LXN: variants seen among roughly 807,000 people sequenced by gnomAD.
LXN encodes latexin.
A neutral mutation model predicts 29.8 loss-of-function variants in LXN; 28 were observed. The observed-to-expected ratio is 0.94, with a 90% CI of 0.70 to 1.29. The LOEUF is 1.29. Ranked by LOEUF, LXN falls within the 50% of genes most tolerant of loss-of-function variation. LXN has a pLI of 0.00. For missense variants in LXN, 227 were observed against 261.7 expected (o/e 0.87, Z 0.92); for synonymous variants, 77 against 89.6 (o/e 0.86, Z 0.80).
In LXN at chr3:158,669,429, A is replaced by G. The variant is rs1403976624; in HGVS notation, c.370+4T>C. On this transcript the variant is annotated splice_donor_region_variant and intron_variant, in intron 3 of 5. Coordinates refer to ENST00000264265, the MANE Select transcript of LXN (RefSeq NM_020169.4). The stretch of plus-strand genomic sequence containing the variant: ...CAAATGGTTTTCATGCCATATTTAT[A>G]TACCTGGAATATTTTGTGCTTCTAG... The G allele has an allele frequency of 1.2e-6, 2 of 1,603,868 alleles. No homozygotes were observed. The highest frequency in any genetic ancestry group is 1.1e-5 in the South Asian group (1 of 89,538).
chr3:158,670,956 C>T lies in LXN; in HGVS notation c.192+1G>A. On this transcript the variant is annotated splice_donor_variant, in intron 2 of 5. Coordinates refer to ENST00000264265, the MANE Select transcript of LXN (RefSeq NM_020169.4). LOFTEE classifies it high-confidence loss of function. ...TCAAAGAAAAAAGAAATTTAACTTA[C>T]TTTTTGTATAATTTCTTCAACAGCA... is the stretch of plus-strand genomic sequence containing the variant. 1 of 1,524,764 alleles carries T rather than the reference C, an allele frequency of 6.6e-7. No individual in the cohort carries two copies. Among genetic ancestry groups the T allele is most frequent in the African/African-American group, 1.5e-5 (1 of 65,484 alleles). The allele number at this position is 1,524,764 out of a possible 1,614,324, so 94.5% of individuals were successfully genotyped here.
Position 158,672,444 on chromosome 3 carries a change from C to T in LXN, c.35G>A (p.Arg12Lys). ...EIPPTNYPASRAALVAQNYIN... is the reference protein window; with the variant it reads ...EIPPTNYPASKAALVAQNYIN... ...GTAGTTCTGTGCCACCAAGGCCGCCCTGGAGGCTGGGTAGTTGGTCGGCGG... is the reference window on the plus strand; with the variant it reads ...GTAGTTCTGTGCCACCAAGGCCGCCTTGGAGGCTGGGTAGTTGGTCGGCGG... Residue 12 changes from arginine to lysine, a missense_variant, in exon 1 of 6, where the codon AGG (arginine) becomes AAG (lysine). By Grantham distance (26) the Arg-to-Lys change is conservative. Coordinates refer to ENST00000264265, the MANE Select transcript of LXN (RefSeq NM_020169.4). The T allele has an allele frequency of 6.2e-7, 1 of 1,614,076 alleles. No individual in the cohort carries two copies. The highest frequency in any genetic ancestry group is 8.5e-7 in the Non-Finnish European group (1 of 1,179,950).
intron 4 of LXN, among the ~76,000 whole-genome samples, 169 bp downstream of exon 4, chr3:158,668,827 C>T (rs1252750425): frequency 6.6e-6 from 1 of 152,218 alleles, no homozygotes; most frequent in African/African-American, 2.4e-5. Context: ...ACTCTTCCTA[C>T]AATTCTTCAC....
chr3:158,669,379 A>T (rs996589129), intron 3 of LXN, 54 bp downstream of exon 3: 34 of 1,507,616 alleles, frequency 2.3e-5, no homozygotes, highest in Non-Finnish European at 3.1e-5. Flanking sequence ...CAGATAATTG[A>T]GATTGATTTT....
intron 3 of LXN, 105 bp from the exon 4 acceptor site, chr3:158,669,237 A>G (rs1560137525): frequency 7.6e-7 from 1 of 1,323,722 alleles, no homozygotes. Flanking sequence ...ATGTTGTGCA[A>G]AAAATAATTT....
chr3:158,666,858 G>T, intron 5 of LXN, 114 bp from the exon 6 acceptor site: 1 of 1,423,750 alleles, frequency 7.0e-7, no homozygotes, highest in East Asian at 2.4e-5. Context: ...TAGTACTTTT[G>T]TTAAATTGCT....
Position 158,666,462 on chromosome 3 carries a change from C to A in LXN, c.*184G>T. On this transcript the variant is annotated 3_prime_UTR_variant, in exon 6 of 6. Transcript: ENST00000264265. The stretch of plus-strand genomic sequence containing the variant: ...ATTTTGGATATACATACCACTATTA[C>A]TGTTTTAAAGACATTTTTATGTAGT... 1 of 1,290,390 alleles carries A rather than the reference C, an allele frequency of 7.7e-7. No homozygotes were observed. The highest frequency in any genetic ancestry group is 1.1e-6 in the Non-Finnish European group (1 of 888,224). The allele number at this position is 1,290,390 out of a possible 1,614,324, so 79.9% of individuals were successfully genotyped here. A position where few individuals can be genotyped will look rare whatever the true frequency, so the allele number is the denominator to read the frequency against.
chr3:158,668,325 G>A (rs1193523917), intron 4 of LXN, among the ~76,000 whole-genome samples: 1 of 151,748 alleles, frequency 6.6e-6, no homozygotes, highest in East Asian at 1.9e-4. Flanking sequence ...TATTACTTAG[G>A]GAATCATGAC....
intron 2 of LXN, 119 bp from the exon 3 acceptor site, chr3:158,669,729 A>G: frequency 2.1e-6 from 2 of 956,504 alleles, no homozygotes; most frequent in East Asian, 5.3e-5. Context: ...CTAGACTTCA[A>G]AGTGCTTGTT....
intron 2 of LXN, among the ~76,000 whole-genome samples, chr3:158,670,747 A>G (rs1377888738): frequency 1.3e-5 from 2 of 152,184 alleles, no homozygotes; most frequent in African/African-American, 4.8e-5. Context: ...TTGTAATCCT[A>G]GCACTTTGGG....
At chr3:158,666,873 TTATAA>T (rs1723745133) in intron 5 of LXN, 129 bp from the exon 6 acceptor site, 2 of 1,445,498 alleles carry the variant, frequency 1.4e-6, no homozygotes, top group Non-Finnish European at 9.4e-7. Flanking sequence ...ATTGCTGCAA[TTATAA>T]TATACTTAAA....
intron 2 of LXN, among the ~76,000 whole-genome samples, chr3:158,669,935 C>A (rs1463013009): frequency 6.6e-6 from 1 of 152,214 alleles, no homozygotes; most frequent in Non-Finnish European, 1.5e-5. Context: ...TATATACCAA[C>A]TCAAGACTGG....
chr3:158,669,228 T>C, intron 3 of LXN, 96 bp from the exon 4 acceptor site: 1 of 1,351,068 alleles, frequency 7.4e-7, no homozygotes, highest in East Asian at 2.5e-5. Flanking sequence ...TTCCTTCGAA[T>C]GTTGTGCAAA....
chr3:158,668,933 G>A, intron 4 of LXN, 63 bp downstream of exon 4: 3 of 1,402,044 alleles, frequency 2.1e-6, no homozygotes, highest in Non-Finnish European at 2.9e-6. Context: ...ATCCAATTAT[G>A]AATTACAATA....
At chr3:158,669,663 A>G in intron 2 of LXN, 53 bp from the exon 3 acceptor site, 2 of 1,498,304 alleles carry the variant, frequency 1.3e-6, no homozygotes, top group South Asian at 2.4e-5. Flanking sequence ...TTCATTATTA[A>G]TTATCATCTT....
Position 158,669,485 on chromosome 3 carries a change from A to C in LXN, c.318T>G (p.Phe106Leu). The C allele has an allele frequency of 6.2e-7, 1 of 1,613,916 alleles. No individual in the cohort carries two copies. The highest frequency in any genetic ancestry group is 2.2e-5 in the East Asian group (1 of 44,850). ...GKNPDEEDNTFYQRLKSMKEP... is the reference protein window; with the variant it reads ...GKNPDEEDNTLYQRLKSMKEP... ...CCTTCATGGACTTAAGTCTTTGATA[A>C]AATGTGTTGTCTTCTTCATCTGGAT... The change falls in exon 3 of 6, where the codon TTT becomes TTG. Residue 106 changes from phenylalanine (F) to leucine (L), a missense_variant. Physicochemically the swap from Phe to Leu is conservative, Grantham distance 22 (BLOSUM62 0). Coordinates refer to ENST00000264265, the MANE Select transcript of LXN (RefSeq NM_020169.4).
chr3:158,670,967 A>G lies in LXN; in HGVS notation c.182T>C (p.Ile61Thr). ...AGAAATTTAACTTACTTTTTGTATAATTTCTTCAACAGCAAATTTAAGGTG... is the reference window on the plus strand; with the variant it reads ...AGAAATTTAACTTACTTTTTGTATAGTTTCTTCAACAGCAAATTTAAGGTG... ...KYHLKFAVEE[I>T]IQKQVKVNCT... Residue 61 changes from isoleucine to threonine, a missense_variant, in exon 2 of 6, where the codon ATT becomes ACT. By Grantham distance (89) the Ile-to-Thr change is moderately conservative. Transcript: ENST00000264265. The G allele has an allele frequency of 6.5e-7, 1 of 1,539,016 alleles. No individual in the cohort carries two copies.
chr3:158,667,032 G>T lies in LXN; in HGVS notation c.550C>A (p.Leu184Ile). Reference sequence around the variant, plus strand: ...TTTACCTGAGATGCTATATTATGAAGTAGAATGGTGTAGTCTAATTCAATA... The same window carrying T: ...TTTACCTGAGATGCTATATTATGAATTAGAATGGTGTAGTCTAATTCAATA... ...DFIELDYTILLHNIASQEIIP... is the reference protein window; with the variant it reads ...DFIELDYTILIHNIASQEIIP... The change falls in exon 5 of 6, where the codon CTT becomes ATT. Residue 184 changes from leucine to isoleucine, a missense_variant. Leu to Ile is a conservative substitution (Grantham distance 5). Coordinates refer to ENST00000264265, the MANE Select transcript of LXN (RefSeq NM_020169.4). The T allele has an allele frequency of 6.3e-7, 1 of 1,595,832 alleles. No individual in the cohort carries two copies. The highest frequency in any genetic ancestry group is 1.3e-5 in the African/African-American group (1 of 74,156).
intron 2 of LXN, among the ~76,000 whole-genome samples, chr3:158,670,684 T>A (rs879340600): frequency 3.9e-5 from 6 of 152,184 alleles, no homozygotes; most frequent in Non-Finnish European, 8.8e-5. Flanking sequence ...CTGGAATATT[T>A]AGAATTAAAT....
Sources: allele counts gnomAD v4.1 joint callset (sites outside exome capture counted in the v4.1 genomes callset), GRCh38; gene constraint gnomAD v4.1.1; transcripts MANE v1.5; gene names NCBI Gene and HGNC (gene_info 2026-07-23, HGNC 2026-07-21).